Variants in CDKL5 observed in about 807,000 individuals in gnomAD.
The protein encoded by CDKL5 is cyclin dependent kinase like 5.
CDKL5 carries 8 observed loss-of-function variants against 61.7 expected under a neutral mutation model. The observed-to-expected ratio is 0.13, with a 90% CI of 0.08 to 0.23. The LOEUF is 0.23. CDKL5 is among the 10% of genes least tolerant of loss of function. The pLI is 1.00. For synonymous variants in CDKL5, 275 were observed against 272.3 expected (o/e 1.01, Z -0.10); for missense variants, 440 against 734.5 (o/e 0.60, Z 4.63).
intron 9 of CDKL5, chrX:18,589,225 T>C (rs1216956603): frequency 1.8e-5 from 2 of 110,745 alleles, no homozygotes; most frequent in Non-Finnish European, 3.8e-5. Context: ...ATGTGCCATG[T>C]TGGTGTGCTG....
rs1927153548 is a variant in CDKL5, at chrX:18,628,804, G to A, written c.*47G>A. 14 of 1,061,380 alleles carry A rather than the reference G, an allele frequency of 1.3e-5. No homozygotes were observed. The highest frequency in any genetic ancestry group is 1.7e-5 in the Non-Finnish European group (14 of 825,282). The allele number at this position is 1,061,380 out of a possible 1,213,427, so 87.5% of individuals were successfully genotyped here. On this transcript the variant is annotated 3_prime_UTR_variant, in exon 18 of 18. Coordinates refer to ENST00000623535, the MANE Select transcript of CDKL5 (RefSeq NM_001323289.2). ...GGTGGACAGACAAGCCAGTGGGGAG[G>A]GGTGGGAAAGGGTGGGCTGGGCTTG... is the stretch of plus-strand genomic sequence containing the variant.
chrX:18,476,142 G>T (rs373640451), intron 1 of CDKL5, among the ~76,000 whole-genome samples: 3 of 111,661 alleles, frequency 2.7e-5, no homozygotes, highest in East Asian at 5.6e-4. Context: ...TACTTTGTGA[G>T]CTCTCTCATT....
At chrX:18,525,861 C>G (rs1923420148) in intron 3 of CDKL5, among the ~76,000 whole-genome samples, 2 of 108,927 alleles carry the variant, frequency 1.8e-5, no homozygotes, top group Admixed American at 2.0e-4. Flanking sequence ...CTTCTCCTGC[C>G]TCAGCCTCCC....
intron 3 of CDKL5, among the ~76,000 whole-genome samples, chrX:18,526,293 T>G (rs1425427451): frequency 8.9e-6 from 1 of 112,552 alleles, no homozygotes; most frequent in Non-Finnish European, 1.9e-5. Context: ...CTTTGCATCC[T>G]GTGACCTTGC....
chrX:18,556,543 C>T (rs1359747697), intron 3 of CDKL5, among the ~76,000 whole-genome samples: 6 of 111,313 alleles, frequency 5.4e-5, no homozygotes, highest in African/African-American at 2.0e-4. Flanking sequence ...GAGATCTCCT[C>T]AGAATGATGA....
chrX:18,447,106 T>G (rs1931897378), intron 1 of CDKL5, among the ~76,000 whole-genome samples: 1 of 111,437 alleles, frequency 9.0e-6, no homozygotes, highest in East Asian at 2.8e-4. Flanking sequence ...TCTGCAGACA[T>G]TTTTGGTTGT....
intron 15 of CDKL5, among the ~76,000 whole-genome samples, chrX:18,616,295 A>G (rs1444149905): frequency 8.9e-6 from 1 of 112,013 alleles, no homozygotes; most frequent in Non-Finnish European, 1.9e-5. Flanking sequence ...ATTGGGTTAA[A>G]AATTGATGTT....
intron 3 of CDKL5, among the ~76,000 whole-genome samples, chrX:18,539,868 A>G (rs773339661): frequency 3.6e-5 from 4 of 111,650 alleles, no homozygotes; most frequent in Non-Finnish European, 7.5e-5. Context: ...ACCACAATCT[A>G]TTATCAGTGT....
chrX:18,437,018 C>T (rs779076320), intron 1 of CDKL5, among the ~76,000 whole-genome samples: 1 of 109,668 alleles, frequency 9.1e-6, no homozygotes, highest in East Asian at 2.8e-4. Context: ...GTTTAGTAGG[C>T]CATTTTGCTG....
At chrX:18,651,141 C>CG (rs1479774245) in intron 21 of CDKL5, among the ~76,000 whole-genome samples, 10 of 103,198 alleles carry the variant, frequency 9.7e-5, no homozygotes, top group Admixed American at 1.1e-4. Context: ...CCGCACCCCC[C>CG]GCCACACCCT....
downstream of CDKL5, among the ~76,000 whole-genome samples, chrX:18,644,032 C>T (rs1927677572): frequency 9.0e-6 from 1 of 110,953 alleles, no homozygotes; most frequent in Non-Finnish European, 1.9e-5. Flanking sequence ...CTGTCAGTCT[C>T]AAACAATAGG....
At chrX:18,442,594 C>T (rs747414752) in intron 1 of CDKL5, among the ~76,000 whole-genome samples, 5 of 111,075 alleles carry the variant, frequency 4.5e-5, no homozygotes, top group African/African-American at 1.3e-4. Flanking sequence ...CCCGGGTTCA[C>T]GCCATTCTCC....
chrX:18,446,837 C>G (rs748653407), intron 1 of CDKL5, among the ~76,000 whole-genome samples: 5 of 111,986 alleles, frequency 4.5e-5, no homozygotes, highest in Non-Finnish European at 9.4e-5. Flanking sequence ...TTTGAGCCAT[C>G]TGGTTGATTT....
chrX:18,634,522 T>C lies in CDKL5; in HGVS notation c.*5765T>C. ...AAAAGATGCTTATCGTCCCGGAGAA[T>C]GTGTAAGTAAGTTCTCCAGCACGGC... On this transcript the variant is annotated 3_prime_UTR_variant, in exon 18 of 18. Transcript: ENST00000623535. 2.7e-6 allele frequency: 2 copies of C among 754,146 alleles called. No homozygotes were observed. Among genetic ancestry groups the C allele is most frequent in the Non-Finnish European group, 3.1e-6 (2 of 639,226 alleles). 62.2% of individuals were successfully genotyped at this position (754,146 alleles called of 1,213,427 possible).
chrX:18,463,005 C>T (rs1387614072), intron 1 of CDKL5, among the ~76,000 whole-genome samples: 2 of 110,221 alleles, frequency 1.8e-5, no homozygotes, highest in African/African-American at 6.6e-5. Flanking sequence ...GCCTGGGTGA[C>T]GGAGCAAGAC....
Position 18,625,359 on chromosome X carries a change from A to G in CDKL5, c.2496+112A>G, listed in dbSNP as rs769454480. 29 of 830,077 alleles carry G rather than the reference A, an allele frequency of 3.5e-5. No individual in the cohort carries two copies. In the East Asian group the frequency reaches 8.9e-4, roughly 25 times the overall value. The allele number at this position is 830,077 out of a possible 1,213,427, so 68.4% of individuals were successfully genotyped here. On this transcript the variant is annotated intron_variant, in intron 17 of 17. Coordinates refer to ENST00000623535, the MANE Select transcript of CDKL5 (RefSeq NM_001323289.2). ...GCCTCTCAATGTTACAGTAAGGCTGAGCACCTCCTCAAAATAGACCCTCAG... is the reference window on the plus strand; with the variant it reads ...GCCTCTCAATGTTACAGTAAGGCTGGGCACCTCCTCAAAATAGACCCTCAG...
chrX:18,561,554 A>T (rs1200246618), intron 3 of CDKL5, among the ~76,000 whole-genome samples: 1 of 111,475 alleles, frequency 9.0e-6, no homozygotes, highest in Non-Finnish European at 1.9e-5. Context: ...CAGTGTCAAT[A>T]ACCTCAGATT....
At chrX:18,459,115 G>A (rs949643459) in intron 1 of CDKL5, among the ~76,000 whole-genome samples, 2 of 112,634 alleles carry the variant, frequency 1.8e-5, no homozygotes, top group Non-Finnish European at 3.7e-5. Context: ...CTATACATGT[G>A]CATAACAGGA....
rs1927199955 is a variant in CDKL5 at position 18,630,350 on chromosome X, A to G, written c.*1593A>G. On this transcript the variant is annotated 3_prime_UTR_variant, in exon 18 of 18. Transcript: ENST00000623535. ...GGAAGTCACCTCAGCACCATCATCT[A>G]TCAGTAGTAGTAGATTTTTGGAATT... The G allele has an allele frequency of 2.3e-5, 17 of 751,510 alleles. No individual in the cohort carries two copies. Among genetic ancestry groups the G allele is most frequent in the Non-Finnish European group, 2.5e-5 (16 of 638,788 alleles). 61.9% of individuals were successfully genotyped at this position (751,510 alleles called of 1,213,427 possible). A position where few individuals can be genotyped will look rare whatever the true frequency, so the allele number is the denominator to read the frequency against.
Sources: allele counts gnomAD v4.1 joint callset (sites outside exome capture counted in the v4.1 genomes callset), GRCh38; gene constraint gnomAD v4.1.1; transcripts MANE v1.5; gene names NCBI Gene and HGNC (gene_info 2026-07-23, HGNC 2026-07-21).